SMYD3: variants seen among roughly 807,000 people sequenced by gnomAD.
SMYD3 encodes SET and MYND domain containing 3, also known as histone-lysine N-methyltransferase SMYD3.
In SMYD3, 36 loss-of-function variants were observed where a neutral mutation model predicts 57.7. That is an observed-to-expected ratio of 0.62 (90% CI 0.48 to 0.82). The LOEUF (loss-of-function observed/expected upper bound fraction) is 0.82, where lower values mean the gene tolerates loss of function less well. Ranked by LOEUF, SMYD3 falls within the 40% of genes least tolerant of loss-of-function variation. The probability of loss-of-function intolerance (pLI) is 0.00; values close to 1 mark genes in which losing one functional copy is unlikely to be tolerated. For synonymous variants in SMYD3, 211 were observed against 195.0 expected (o/e 1.08, Z -0.68); for missense variants, 515 against 538.8 (o/e 0.96, Z 0.44).
At chr1:246,424,582 T>C (rs565447377) in intron 1 of SMYD3, among the ~76,000 whole-genome samples, 30 of 152,328 alleles carry the variant, frequency 2.0e-4, no homozygotes, top group South Asian at 1.9e-3. Flanking sequence ...TTTTCACAGA[T>C]GATTTACTGT....
At chr1:246,339,092 T>C (rs988579304) in intron 2 of SMYD3, among the ~76,000 whole-genome samples, 2 of 152,230 alleles carry the variant, frequency 1.3e-5, no homozygotes, top group Non-Finnish European at 2.9e-5. Flanking sequence ...TACATAATCC[T>C]AACAGCACTG....
intron 10 of SMYD3, among the ~76,000 whole-genome samples, chr1:245,826,908 C>G (rs538528590): frequency 1.3e-5 from 2 of 152,322 alleles, no homozygotes; most frequent in African/African-American, 4.8e-5. Flanking sequence ...CATGATCCAA[C>G]TACCACCACC....
rs2062943193 is a variant in SMYD3, at chr1:246,202,979, G to C, written c.531+124222C>G. On this transcript the variant is annotated intron_variant, in intron 5 of 11. Coordinates refer to ENST00000490107, the MANE Select transcript of SMYD3 (RefSeq NM_001167740.2). The surrounding 1 kb of genome is among the most constrained non-coding windows in gnomAD (Gnocchi z 4.1). ...GTCTCTACTAAAAATACAAAATTTA[G>C]CTGGTCGTGGTGGTGGGCGCCTATA... is the stretch of plus-strand genomic sequence containing the variant. Among the ~76,000 whole-genome samples the C allele has an allele frequency of 1.3e-5, 2 of 152,088 alleles. No homozygotes were observed. Among genetic ancestry groups the C allele is most frequent in the Admixed American group, 1.3e-4 (2 of 15,274 alleles).
chr1:246,053,489 T>C lies in SMYD3; in HGVS notation c.532-123552A>G, dbSNP rs544985135. 2.1e-3 allele frequency among the ~76,000 whole-genome samples: 321 copies of C among 151,934 alleles called. 4 individuals are homozygous for C. The highest frequency in any genetic ancestry group is 6.7e-3 in the African/African-American group (279 of 41,426). ...ACTGAAGAAAGGATAGAATAGTGAG[T>C]CCAGAAACAGGCCTACACAAACATG... On this transcript the variant is annotated intron_variant, in intron 5 of 11. Transcript: ENST00000490107.
At chr1:246,102,335 C>T (rs1039528072) in intron 5 of SMYD3, among the ~76,000 whole-genome samples, 2 of 152,120 alleles carry the variant, frequency 1.3e-5, no homozygotes, top group African/African-American at 2.4e-5. Flanking sequence ...ACCACTGCAC[C>T]GTCTCTCAGG....
chr1:246,453,860 C>T (rs7540464), intron 1 of SMYD3, among the ~76,000 whole-genome samples: 33,911 of 152,114 alleles, frequency 0.22, 4,075 homozygotes, highest in Middle Eastern at 0.35. Flanking sequence ...TTTCTGCAAA[C>T]TGTTAGTAAA....
At chr1:245,945,634 A>G (rs2057405534) in intron 5 of SMYD3, among the ~76,000 whole-genome samples, 3 of 152,346 alleles carry the variant, frequency 2.0e-5, no homozygotes, top group South Asian at 4.1e-4. Context: ...CCAAAGAAAT[A>G]TAAGTTATTC....
At chr1:245,931,361 G>A (rs139281831) in intron 5 of SMYD3, among the ~76,000 whole-genome samples, 4 of 152,172 alleles carry the variant, frequency 2.6e-5, no homozygotes, top group South Asian at 2.1e-4. Flanking sequence ...TACTTACTGC[G>A]GGACGGCTTG....
chr1:246,133,200 A>C (rs538574988), intron 5 of SMYD3, among the ~76,000 whole-genome samples: 29 of 149,976 alleles, frequency 1.9e-4, no homozygotes, highest in Admixed American at 4.6e-4. Context: ...AGAACTCTCA[A>C]AACTCAAGTT....
At chr1:245,996,076 T>C (rs757808152) in intron 5 of SMYD3, among the ~76,000 whole-genome samples, 1 of 152,268 alleles carries the variant, frequency 6.6e-6, no homozygotes, top group Non-Finnish European at 1.5e-5. Flanking sequence ...AAAATCCTCC[T>C]GGCAGTTAAC....
At chr1:246,419,659 C>T (rs1334775806) in intron 1 of SMYD3, among the ~76,000 whole-genome samples, 1 of 152,202 alleles carries the variant, frequency 6.6e-6, no homozygotes, top group Non-Finnish European at 1.5e-5. Flanking sequence ...CCCTTCCCAG[C>T]ACTCCCGTAT....
At chr1:246,161,904 G>C (rs1290371068) in intron 5 of SMYD3, among the ~76,000 whole-genome samples, 1 of 152,170 alleles carries the variant, frequency 6.6e-6, no homozygotes. Flanking sequence ...GTAGGAGTTT[G>C]CCAGGCAATA....
intron 5 of SMYD3, among the ~76,000 whole-genome samples, chr1:246,244,659 T>C (rs1558344809): frequency 6.6e-6 from 1 of 152,206 alleles, no homozygotes; most frequent in Non-Finnish European, 1.5e-5. Context: ...GAGTAGATCC[T>C]TGGCATATGT....
intron 5 of SMYD3, among the ~76,000 whole-genome samples, chr1:246,315,626 G>T (rs562611790): frequency 6.6e-6 from 1 of 152,154 alleles, no homozygotes; most frequent in Non-Finnish European, 1.5e-5. Context: ...CTGATACGTT[G>T]TTGGAACGCT....
intron 5 of SMYD3, among the ~76,000 whole-genome samples, chr1:245,950,676 T>C (rs947245620): frequency 6.6e-6 from 1 of 152,218 alleles, no homozygotes; most frequent in Non-Finnish European, 1.5e-5. Context: ...AAAATATGCC[T>C]CCGATATAAA....
chr1:246,192,393 G>A (rs1426341092), intron 5 of SMYD3, among the ~76,000 whole-genome samples: 1 of 152,196 alleles, frequency 6.6e-6, no homozygotes, highest in African/African-American at 2.4e-5. Context: ...GTTGTTAAAT[G>A]TTAAAGCTCC....
At chr1:246,438,556 A>T (rs1558465112) in intron 1 of SMYD3, among the ~76,000 whole-genome samples, 1 of 152,148 alleles carries the variant, frequency 6.6e-6, no homozygotes, top group Admixed American at 6.5e-5. Flanking sequence ...CACGGATACC[A>T]AAATCCATGG....
At chr1:245,906,181 G>C (rs2054551108) in intron 8 of SMYD3, among the ~76,000 whole-genome samples, 1 of 152,140 alleles carries the variant, frequency 6.6e-6, no homozygotes, top group Non-Finnish European at 1.5e-5. Flanking sequence ...CATAGCAGAG[G>C]AAACAATCAG....
chr1:245,894,435 G>A (rs1464520543), intron 8 of SMYD3, among the ~76,000 whole-genome samples: 1 of 152,020 alleles, frequency 6.6e-6, no homozygotes, highest in African/African-American at 2.4e-5. Flanking sequence ...CTTCCACGCC[G>A]TGGAAGCTTT....
Sources: allele counts gnomAD v4.1 joint callset (sites outside exome capture counted in the v4.1 genomes callset), GRCh38; gene constraint gnomAD v4.1.1; non-coding constraint Gnocchi (gnomAD v3.1); transcripts MANE v1.5; gene names NCBI Gene and HGNC (gene_info 2026-07-23, HGNC 2026-07-21).